The following XKR9 variants were observed in gnomAD, a reference collection of about 807,000 sequenced individuals.
XKR9 encodes the protein XK-related protein 9.
A neutral mutation model predicts 32.0 loss-of-function variants in XKR9; 32 were observed. The ratio of observed to expected loss-of-function variants is 1.00; its 90% CI spans 0.76 to 1.34. The LOEUF is 1.34. XKR9 is among the 40% of genes most tolerant of loss of function. The pLI, the probability that XKR9 is intolerant of heterozygous loss-of-function variation, is 0.00. For missense variants in XKR9, 546 were observed against 429.7 expected (o/e 1.27, Z -2.39); for synonymous variants, 168 against 143.4 (o/e 1.17, Z -1.22).
the XKR9 span, among the ~76,000 whole-genome samples, chr8:70,807,956 A>G: frequency 6.6e-6 from 1 of 152,198 alleles, no homozygotes; most frequent in Non-Finnish European, 1.5e-5. Flanking sequence ...TCAACAGACT[A>G]TATATTCTTC....
chr8:70,779,827 A>T (rs1247335147), intron 2 of XKR9, among the ~76,000 whole-genome samples: 1 of 152,110 alleles, frequency 6.6e-6, no homozygotes, highest in East Asian at 1.9e-4. Context: ...TATTGTGTCT[A>T]TTTGATTCTT....
chr8:71,037,662 A>G, the XKR9 span, among the ~76,000 whole-genome samples: 1 of 152,218 alleles, frequency 6.6e-6, no homozygotes, highest in Non-Finnish European at 1.5e-5. Flanking sequence ...AGAGCACTGG[A>G]CAAGTTTTAG....
chr8:70,987,824 C>A, the XKR9 span, among the ~76,000 whole-genome samples: 2 of 152,206 alleles, frequency 1.3e-5, no homozygotes, highest in Non-Finnish European at 2.9e-5. Flanking sequence ...ACCCCTACAG[C>A]AAACTTCTGT....
chr8:70,759,314 C>A (rs1431315207), intron 2 of XKR9, among the ~76,000 whole-genome samples: 1 of 151,976 alleles, frequency 6.6e-6, no homozygotes, highest in Non-Finnish European at 1.5e-5. Flanking sequence ...ATTAATAGGA[C>A]TCACTTTTCA....
At chr8:70,897,581 T>A in the XKR9 span, among the ~76,000 whole-genome samples, 1 of 152,172 alleles carries the variant, frequency 6.6e-6, no homozygotes, top group African/African-American at 2.4e-5. Flanking sequence ...CCATTTTAAC[T>A]GGGATGAGAT....
intron 3 of XKR9, among the ~76,000 whole-genome samples, chr8:70,681,559 A>G (rs1481201459): frequency 6.6e-6 from 1 of 152,108 alleles, no homozygotes; most frequent in Admixed American, 6.6e-5. Flanking sequence ...TTTTTCTGAT[A>G]TGAACTCAGT....
chr8:70,930,027 G>A, the XKR9 span, among the ~76,000 whole-genome samples: 2 of 152,190 alleles, frequency 1.3e-5, no homozygotes, highest in South Asian at 2.1e-4. Context: ...TTTGATTTTC[G>A]TATTTTACAC....
At chr8:70,982,194 G>A in the XKR9 span, among the ~76,000 whole-genome samples, 1 of 152,202 alleles carries the variant, frequency 6.6e-6, no homozygotes, top group Non-Finnish European at 1.5e-5. Context: ...TTGCCCTAGG[G>A]ATGCCTCGTT....
chr8:70,734,311 AT>A lies in XKR9; in HGVS notation c.1011del (p.Ile337MetfsTer26), dbSNP rs1353347306. ...LTLLLGILFL[I>X]VYYGSFHPNR... ...TCTTCTTCTTGGAATTCTTTTTCTT[AT>A]TGTTTATTATGGGAGTTTTCACCCA... is the stretch of plus-strand genomic sequence containing the variant. On this transcript the variant is annotated frameshift_variant, in exon 5 of 5. Transcript: ENST00000408926. LOFTEE classifies it high-confidence loss of function. 1.9e-6 allele frequency: 3 copies of A among 1,612,378 alleles called. No homozygotes were observed. The highest frequency in any genetic ancestry group is 2.2e-5 in the East Asian group (1 of 44,772).
intron 3 of XKR9, among the ~76,000 whole-genome samples, chr8:70,697,241 A>G (rs1336435411): frequency 6.6e-6 from 1 of 151,770 alleles, no homozygotes; most frequent in East Asian, 1.9e-4. Flanking sequence ...GTAGTGAGAG[A>G]GGGCATCCCT....
intron 2 of XKR9, among the ~76,000 whole-genome samples, chr8:70,776,085 G>C (rs1383619131): frequency 6.6e-6 from 1 of 151,910 alleles, no homozygotes; most frequent in African/African-American, 2.4e-5. Flanking sequence ...CCTCATATTG[G>C]TATTGGGAAA....
At chr8:70,821,458 A>G in the XKR9 span, among the ~76,000 whole-genome samples, 33 of 152,292 alleles carry the variant, frequency 2.2e-4, no homozygotes, top group Non-Finnish European at 4.3e-4. Flanking sequence ...TTACAGCTCC[A>G]CTAGGCAGCT....
the XKR9 span, among the ~76,000 whole-genome samples, chr8:70,807,827 C>G: frequency 4.6e-4 from 70 of 152,240 alleles, no homozygotes; most frequent in Middle Eastern, 3.4e-3. Context: ...GAATTTAACA[C>G]CCCACTGTCA....
intron 4 of XKR9, among the ~76,000 whole-genome samples, chr8:70,718,476 C>G (rs1806165286): frequency 6.6e-6 from 1 of 152,152 alleles, no homozygotes; most frequent in Non-Finnish European, 1.5e-5. Context: ...CCCCTTGCCC[C>G]TGATGCCCCA....
chr8:71,001,662 A>C, the XKR9 span, among the ~76,000 whole-genome samples: 10 of 152,206 alleles, frequency 6.6e-5, no homozygotes, highest in Non-Finnish European at 1.3e-4. Flanking sequence ...AGAGTTAGTT[A>C]GCATTTAGCT....
the XKR9 span, among the ~76,000 whole-genome samples, chr8:71,031,187 C>T: frequency 6.6e-6 from 1 of 152,080 alleles, no homozygotes; most frequent in South Asian, 2.1e-4. Context: ...ACAGTACTTA[C>T]TATGTATTTC....
At chr8:70,893,025 GT>G in the XKR9 span, among the ~76,000 whole-genome samples, 1 of 151,746 alleles carries the variant, frequency 6.6e-6, no homozygotes, top group Non-Finnish European at 1.5e-5. Context: ...TTTTCTTCAT[GT>G]TTTTTTCATT....
the XKR9 span, among the ~76,000 whole-genome samples, chr8:70,826,105 T>G: frequency 6.6e-6 from 1 of 152,096 alleles, no homozygotes; most frequent in African/African-American, 2.4e-5. Flanking sequence ...ACTCACTTTA[T>G]TTTGGGTCTT....
At chr8:70,975,116 A>G in the XKR9 span, among the ~76,000 whole-genome samples, 1 of 152,020 alleles carries the variant, frequency 6.6e-6, no homozygotes, top group Non-Finnish European at 1.5e-5. Context: ...AATTTGTTGA[A>G]GTTCATTGTA....
Sources: gnomAD v4.1 joint callset for allele counts (sites outside exome capture counted in the v4.1 genomes callset) on GRCh38, gnomAD v4.1.1 for gene constraint, MANE v1.5 for transcripts, NCBI Gene and HGNC (gene_info 2026-07-23, HGNC 2026-07-21) for gene names.